The following MMP20 variants were observed in gnomAD, a reference collection of about 807,000 sequenced individuals.
MMP20 encodes matrix metalloproteinase-20.
MMP20 carries 50 observed loss-of-function variants against 51.8 expected under a neutral mutation model. That is an observed-to-expected ratio of 0.97 (90% CI 0.77 to 1.22). The LOEUF is 1.22. MMP20 is among the 50% of genes most tolerant of loss of function. MMP20 has a pLI of 0.00. For missense variants in MMP20, 663 were observed against 601.4 expected (o/e 1.10, Z -1.07); for synonymous variants, 244 against 216.2 (o/e 1.13, Z -1.13).
chr11:102,579,627 T>A (rs796922060), intron 8 of MMP20, among the ~76,000 whole-genome samples: 12 of 152,328 alleles, frequency 7.9e-5, no homozygotes, highest in African/African-American at 2.9e-4. Flanking sequence ...GTTGTTTAAA[T>A]CGGGCTCTTA....
intron 6 of MMP20, among the ~76,000 whole-genome samples, chr11:102,595,669 C>G (rs1405374755): frequency 6.6e-6 from 1 of 152,180 alleles, no homozygotes; most frequent in Non-Finnish European, 1.5e-5. Flanking sequence ...GGCTAGTTAA[C>G]AGAAAATCTA....
chr11:102,601,125 C>CTTTTTTTTTTTTTT lies in MMP20; in HGVS notation c.953+5396_953+5409dup, dbSNP rs1168517234. 8.1e-4 allele frequency among the ~76,000 whole-genome samples: 23 copies of CTTTTTTTTTTTTTT among 28,266 alleles called. 6 individuals are homozygous for CTTTTTTTTTTTTTT. The highest frequency in any genetic ancestry group is 3.6e-3 in the African/African-American group (21 of 5,852). 18.5% of individuals were successfully genotyped at this position (28,266 alleles called of 152,430 possible). A position where few individuals can be genotyped will look rare whatever the true frequency, so the allele number is the denominator to read the frequency against. On this transcript the variant is annotated intron_variant, in intron 6 of 9. Coordinates refer to ENST00000260228, the MANE Select transcript of MMP20 (RefSeq NM_004771.4). ...AAATGACCACGAAGTGTCGGCTATT[C>CTTTTTTTTTTTTTT]TTTTTTTTTTTTTTTTTTTTTTTTT... is the stretch of plus-strand genomic sequence containing the variant.
intron 5 of MMP20, chr11:102,606,904 A>T (rs1269789985): frequency 3.7e-6 from 2 of 539,600 alleles, no homozygotes; most frequent in Admixed American, 2.9e-5. Context: ...ACTTGTTAAA[A>T]GGGAGGGATA....
At chr11:102,585,498 T>C (rs557030868) in intron 8 of MMP20, among the ~76,000 whole-genome samples, 14 of 152,214 alleles carry the variant, frequency 9.2e-5, no homozygotes, top group Non-Finnish European at 2.1e-4. Context: ...TAAAAGTTTT[T>C]TTAGAGTATT....
At position 102,577,431 on chromosome 11, in the gene MMP20, A is replaced by G. The variant is rs1349730929; in HGVS notation, c.1352-5T>C. 2 of 1,600,950 alleles carry G rather than the reference A, an allele frequency of 1.2e-6. No individual in the cohort carries two copies. Among genetic ancestry groups the G allele is most frequent in the East Asian group, 2.2e-5 (1 of 44,762 alleles). ...CTGAAAAGAAGTAAATGTAGCCTAAAAGAGACAAAGTTGAAATTGGGTTAC... is the reference window on the plus strand; with the variant it reads ...CTGAAAAGAAGTAAATGTAGCCTAAGAGAGACAAAGTTGAAATTGGGTTAC... On this transcript the variant is annotated splice_polypyrimidine_tract_variant and splice_region_variant and intron_variant, in intron 9 of 9. Coordinates refer to ENST00000260228, the MANE Select transcript of MMP20 (RefSeq NM_004771.4).
rs112017387 is a variant in MMP20, at chr11:102,603,680, G to A, written c.953+2855C>T. On this transcript the variant is annotated intron_variant, in intron 6 of 9. Coordinates refer to ENST00000260228, the MANE Select transcript of MMP20 (RefSeq NM_004771.4). ...AGAGAAGCTCCAGGTGCCACGGTGA[G>A]TTAGTGGCAAGTCCAGTGCTGGGAC... Among the ~76,000 whole-genome samples the A allele has an allele frequency of 8.6e-3, 1,303 of 152,308 alleles. 30 individuals are homozygous for A. Among genetic ancestry groups the A allele is most frequent in the African/African-American group, 0.03 (1,232 of 41,548 alleles).
At chr11:102,582,902 T>C in intron 8 of MMP20, among the ~76,000 whole-genome samples, 1 of 152,230 alleles carries the variant, frequency 6.6e-6, no homozygotes, top group Non-Finnish European at 1.5e-5. Flanking sequence ...AAACATCACA[T>C]GCTGTCCTTG....
At chr11:102,609,270 T>C (rs1235342397) in intron 4 of MMP20, among the ~76,000 whole-genome samples, 172 bp from the exon 5 acceptor site, 4 of 152,196 alleles carry the variant, frequency 2.6e-5, no homozygotes, top group Non-Finnish European at 5.9e-5. Flanking sequence ...GTGACTTTAA[T>C]TCTTCCCCCC....
rs765137135 is a variant in MMP20 at position 102,577,427 on chromosome 11, C to CT, written c.1352-2dup. 2.2e-5 allele frequency: 36 copies of CT among 1,604,898 alleles called. No individual in the cohort carries two copies. In the East Asian group the frequency reaches 8.0e-4, roughly 36 times the overall value. On this transcript the variant is annotated splice_acceptor_variant, in intron 9 of 9. Coordinates refer to ENST00000260228, the MANE Select transcript of MMP20 (RefSeq NM_004771.4). LOFTEE classifies it high-confidence loss of function. ...GGTCCTGAAAAGAAGTAAATGTAGC[C>CT]TAAAAGAGACAAAGTTGAAATTGGG...
intron 9 of MMP20, among the ~76,000 whole-genome samples, chr11:102,578,085 T>G (rs539396362): frequency 2.0e-5 from 3 of 152,134 alleles, no homozygotes; most frequent in Non-Finnish European, 2.9e-5. Flanking sequence ...TTCCTAGCTA[T>G]GTGTTAAATT....
At chr11:102,624,286 G>A (rs1235200586) in intron 1 of MMP20, among the ~76,000 whole-genome samples, 1 of 152,084 alleles carries the variant, frequency 6.6e-6, no homozygotes, top group African/African-American at 2.4e-5. Flanking sequence ...AGGCCTGTGT[G>A]CAAAAGCATT....
chr11:102,577,131 CT>C lies in MMP20; in HGVS notation c.*194del. The C allele has an allele frequency of 1.8e-6, 1 of 565,332 alleles. No homozygotes were observed. Among genetic ancestry groups the C allele is most frequent in the Non-Finnish European group, 3.2e-6 (1 of 316,802 alleles). 35.0% of individuals were successfully genotyped at this position (565,332 alleles called of 1,614,324 possible). On this transcript the variant is annotated 3_prime_UTR_variant, in exon 10 of 10. Transcript: ENST00000260228. The stretch of plus-strand genomic sequence containing the variant: ...TCGCATAAAGTTGCCCATATAAAAA[CT>C]TTTCTAATGTGGATTGAAATTCTGA...
Position 102,616,962 on chromosome 11 carries a change from A to G in MMP20, c.224T>C (p.Leu75Pro). The G allele has an allele frequency of 1.9e-6, 3 of 1,614,202 alleles. No individual in the cohort carries two copies. The highest frequency in any genetic ancestry group is 2.5e-6 in the Non-Finnish European group (3 of 1,180,040). ...GACTTGGAGGCCAAAGAACGCTTGT[A>G]GCTCCTTAATCTTCCTTATCATGGA... Reference protein sequence around the residue: ...SNSMIRKIKELQAFFGLQVTG... With the variant: ...SNSMIRKIKEPQAFFGLQVTG... The change falls in exon 2 of 10, where the codon CTA (leucine) becomes CCA (proline). Residue 75 changes from leucine (L) to proline (P), a missense_variant. Leu to Pro is a moderately conservative substitution (Grantham distance 98). Coordinates refer to ENST00000260228, the MANE Select transcript of MMP20 (RefSeq NM_004771.4).
chr11:102,586,789 C>T (rs138228160), intron 8 of MMP20, among the ~76,000 whole-genome samples: 1 of 151,884 alleles, frequency 6.6e-6, no homozygotes, highest in Admixed American at 6.6e-5. Context: ...TGTACTCCAG[C>T]CTGGGGGACA....
At chr11:102,619,822 G>A (rs1478822843) in intron 1 of MMP20, among the ~76,000 whole-genome samples, 1 of 150,692 alleles carries the variant, frequency 6.6e-6, no homozygotes, top group East Asian at 1.9e-4. Flanking sequence ...ATAACCAGCT[G>A]TTTGTTTCTT....
rs17099106 is a variant in MMP20 at position 102,617,678 on chromosome 11, G to A, written c.127-619C>T. Among the ~76,000 whole-genome samples the A allele has an allele frequency of 5.6e-3, 849 of 152,204 alleles. 6 individuals are homozygous for A. Among genetic ancestry groups the A allele is most frequent in the African/African-American group, 0.019 (806 of 41,520 alleles). On this transcript the variant is annotated intron_variant, in intron 1 of 9. Transcript: ENST00000260228. ...TGTTTCCATGAGACAACTTTCCTAG[G>A]CAAGGCTCTTTGTCTCTTGAAGCAA...
rs1035275617 is a variant in MMP20 at position 102,591,387 on chromosome 11, C to T, written c.1247+2052G>A. Reference sequence around the variant, plus strand: ...CCTTTGACCAGATTTTTGACTGAATCGCCGCTCAGAGAAATATTGAGGTTT... The same window carrying T: ...CCTTTGACCAGATTTTTGACTGAATTGCCGCTCAGAGAAATATTGAGGTTT... On this transcript the variant is annotated intron_variant, in intron 8 of 9. Transcript: ENST00000260228. 1.1e-4 allele frequency among the ~76,000 whole-genome samples: 17 copies of T among 152,278 alleles called. No individual in the cohort carries two copies. The Middle Eastern group carries it at 0.01, about 91-fold the overall frequency.
Position 102,582,529 on chromosome 11 carries a change from G to T in MMP20, c.1248-3387C>A, listed in dbSNP as rs192079857. On this transcript the variant is annotated intron_variant, in intron 8 of 9. Transcript: ENST00000260228. ...ATCACATGACTTTCATGAATGAAGT[G>T]GGCTTTGTGATCTATACTAGAGAAG... 2.4e-3 allele frequency among the ~76,000 whole-genome samples: 361 copies of T among 152,254 alleles called. 1 individual carries two copies. The highest frequency in any genetic ancestry group is 8.5e-3 in the African/African-American group (351 of 41,534).
At chr11:102,581,895 C>T (rs1212743832) in intron 8 of MMP20, among the ~76,000 whole-genome samples, 1 of 152,122 alleles carries the variant, frequency 6.6e-6, no homozygotes, top group Non-Finnish European at 1.5e-5. Context: ...TATTGAGAAT[C>T]AACTATATCT....
Sources: allele counts gnomAD v4.1 joint callset (sites outside exome capture counted in the v4.1 genomes callset), GRCh38; gene constraint gnomAD v4.1.1; transcripts MANE v1.5; gene names NCBI Gene and HGNC (gene_info 2026-07-23, HGNC 2026-07-21).